The following KYAT1 variants were observed in gnomAD, a reference collection of about 807,000 sequenced individuals.
KYAT1 encodes kynurenine--oxoglutarate transaminase 1.
KYAT1 carries 47 observed loss-of-function variants against 52.4 expected under a neutral mutation model. The observed-to-expected ratio is 0.90, with a 90% confidence interval of 0.71 to 1.14. The LOEUF (loss-of-function observed/expected upper bound fraction) is 1.14. Ranked by LOEUF, KYAT1 falls within the 50% of genes most tolerant of loss-of-function variation. The pLI is 0.00. For missense variants in KYAT1, 480 were observed against 557.9 expected (o/e 0.86, Z 1.41); for synonymous variants, 212 against 209.6 (o/e 1.01, Z -0.10).
chr9:128,873,930 A>G (rs1361977194), intron 1 of KYAT1, among the ~76,000 whole-genome samples: 1 of 130,650 alleles, frequency 7.7e-6, no homozygotes, highest in Non-Finnish European at 1.6e-5. Flanking sequence ...CGGGTGACAG[A>G]GCAAATCTCC....
intron 1 of KYAT1, among the ~76,000 whole-genome samples, chr9:128,872,022 C>T (rs1048144510): frequency 8.0e-5 from 12 of 149,730 alleles, no homozygotes; most frequent in Non-Finnish European, 1.3e-4. Context: ...CCAGCTACTC[C>T]GGAGGCTGGG....
intron 1 of KYAT1, 36 bp from the exon 2 acceptor site, chr9:128,845,447 C>A: frequency 3.7e-6 from 6 of 1,607,020 alleles, no homozygotes; most frequent in Non-Finnish European, 5.1e-6. Context: ...GAGATGGAAT[C>A]TGTCTGGGTG....
At position 128,855,433 on chromosome 9, in the gene KYAT1, C is replaced by T. The variant is rs1420412400; in HGVS notation, c.-6-10022G>A. Among the ~76,000 whole-genome samples, 3 of 152,340 alleles carry T rather than the reference C, an allele frequency of 2.0e-5. No individual in the cohort carries two copies. The East Asian group carries it at 5.8e-4, about 29-fold the overall frequency. On this transcript the variant is annotated intron_variant, in intron 1 of 12. Coordinates refer to ENST00000302586, the MANE Select transcript of KYAT1 (RefSeq NM_004059.5). ...CAGCATTATGAAAGCTTACTGTGGCCTCGCACCACATTAGAATTTGGTCTG... is the reference window on the plus strand; with the variant it reads ...CAGCATTATGAAAGCTTACTGTGGCTTCGCACCACATTAGAATTTGGTCTG...
At chr9:128,837,894 C>G in intron 5 of KYAT1, 81 bp from the exon 6 acceptor site, 1 of 1,554,210 alleles carries the variant, frequency 6.4e-7, no homozygotes. Flanking sequence ...CCCACCTTCT[C>G]TCCCCTGGGA....
intron 3 of KYAT1, 45 bp downstream of exon 3, chr9:128,842,609 T>A: frequency 6.3e-7 from 1 of 1,594,778 alleles, no homozygotes; most frequent in Non-Finnish European, 8.6e-7. Flanking sequence ...GAAAGCCCTG[T>A]CCCCTTCCTC....
chr9:128,859,064 TA>T (rs1350374794), intron 1 of KYAT1, among the ~76,000 whole-genome samples: 1 of 150,550 alleles, frequency 6.6e-6, no homozygotes, highest in Non-Finnish European at 1.5e-5. Flanking sequence ...CTGGCATACT[TA>T]AAAATAGTTA....
intron 1 of KYAT1, among the ~76,000 whole-genome samples, chr9:128,854,313 G>T (rs914154822): frequency 6.6e-6 from 1 of 152,088 alleles, no homozygotes; most frequent in Admixed American, 6.6e-5. Flanking sequence ...AAATCAGACC[G>T]CTACTTCTGC....
intron 1 of KYAT1, among the ~76,000 whole-genome samples, chr9:128,872,668 G>A (rs1005038932): frequency 6.6e-6 from 1 of 151,950 alleles, no homozygotes; most frequent in African/African-American, 2.4e-5. Flanking sequence ...TCGGGAGGCT[G>A]AGACAGGAGA....
At chr9:128,853,744 C>T (rs1027735718) in intron 1 of KYAT1, among the ~76,000 whole-genome samples, 2 of 152,184 alleles carry the variant, frequency 1.3e-5, no homozygotes, top group African/African-American at 4.8e-5. Context: ...CATGTAAATG[C>T]ATCAGGACTA....
chr9:128,857,924 C>T (rs995151767), intron 1 of KYAT1, among the ~76,000 whole-genome samples: 7 of 152,142 alleles, frequency 4.6e-5, no homozygotes, highest in African/African-American at 1.4e-4. Flanking sequence ...TCTCTGTGAC[C>T]TTGGGGTTCT....
In KYAT1 at chr9:128,833,522, G is replaced by T; in HGVS notation, c.*62C>A. 2 of 1,501,722 alleles carry T rather than the reference G, an allele frequency of 1.3e-6. No homozygotes were observed. The highest frequency in any genetic ancestry group is 1.1e-5 in the South Asian group (1 of 88,770). The allele number at this position is 1,501,722 out of a possible 1,614,324, so 93.0% of individuals were successfully genotyped here. A position where few individuals can be genotyped will look rare whatever the true frequency, so the allele number is the denominator to read the frequency against. On this transcript the variant is annotated 3_prime_UTR_variant, in exon 13 of 13. Transcript: ENST00000302586. ...AATGTCTGAAACCTGGACAAAGACA[G>T]ACACTCAAAGAGGATCTCTGCGGGC...
intron 11 of KYAT1, 156 bp downstream of exon 11, chr9:128,835,167 C>CAG: frequency 1.4e-6 from 1 of 690,054 alleles, no homozygotes; most frequent in Non-Finnish European, 2.6e-6. Flanking sequence ...AAAAAAGAAA[C>CAG]AGCCTCCTCA....
At chr9:128,871,761 A>AT (rs1837258174) in intron 1 of KYAT1, among the ~76,000 whole-genome samples, 1 of 152,154 alleles carries the variant, frequency 6.6e-6, no homozygotes, top group Admixed American at 6.6e-5. Flanking sequence ...GGATGCATAC[A>AT]TATATATACA....
chr9:128,837,658 G>A, intron 6 of KYAT1, 27 bp downstream of exon 6: 1 of 1,613,408 alleles, frequency 6.2e-7, no homozygotes. Flanking sequence ...GTCCGCAGGG[G>A]GCCAGGGAAG....
rs1231583078 is a variant in KYAT1, at chr9:128,833,434, C to T, written c.*150G>A. 1.3e-6 allele frequency: 1 copy of T among 789,170 alleles called. No individual in the cohort carries two copies. Among genetic ancestry groups the T allele is most frequent in the Admixed American group, 2.4e-5 (1 of 41,718 alleles). The allele number at this position is 789,170 out of a possible 1,614,324, so 48.9% of individuals were successfully genotyped here. On this transcript the variant is annotated 3_prime_UTR_variant, in exon 13 of 13. Transcript: ENST00000302586. ...TTCTCTAAGATGAAGAAGGGCGGCT[C>T]CCACCCAGAACATTCTGTGTCACGG...
chr9:128,865,153 AG>A (rs1031129979), intron 1 of KYAT1, among the ~76,000 whole-genome samples: 1 of 141,768 alleles, frequency 7.1e-6, no homozygotes, highest in Non-Finnish European at 1.5e-5. Context: ...TTGAGCCTGG[AG>A]GTTGGGGCTG....
At chr9:128,877,996 T>C (rs1838276531) in intron 1 of KYAT1, among the ~76,000 whole-genome samples, 2 of 152,086 alleles carry the variant, frequency 1.3e-5, no homozygotes, top group Admixed American at 1.3e-4. Context: ...CACCATAAAC[T>C]AGCTATGGGA....
chr9:128,842,186 T>C, intron 3 of KYAT1: 1 of 245,004 alleles, frequency 4.1e-6, no homozygotes, highest in Non-Finnish European at 8.5e-6. Flanking sequence ...GAGTGAGACC[T>C]TGTCTCAAAA....
At chr9:128,868,923 C>A (rs1189945731) in intron 1 of KYAT1, among the ~76,000 whole-genome samples, 1 of 151,880 alleles carries the variant, frequency 6.6e-6, no homozygotes, top group Non-Finnish European at 1.5e-5. Context: ...CCAGGATGGT[C>A]TCGATCTCCT....
Sources: allele counts gnomAD v4.1 joint callset (sites outside exome capture counted in the v4.1 genomes callset), GRCh38; gene constraint gnomAD v4.1.1; transcripts MANE v1.5; gene names NCBI Gene and HGNC (gene_info 2026-07-23, HGNC 2026-07-21).